The following KDM5A variants were observed in gnomAD, a reference collection of about 807,000 sequenced individuals.
KDM5A encodes the protein lysine-specific demethylase 5A.
A neutral mutation model predicts 193.5 loss-of-function variants in KDM5A; 42 were observed. That is an observed-to-expected ratio of 0.22 (90% CI 0.17 to 0.28). KDM5A has a LOEUF of 0.28. KDM5A is among the 10% of genes least tolerant of loss of function. KDM5A has a pLI of 1.00. For synonymous variants in KDM5A, 796 were observed against 718.1 expected (o/e 1.11, Z -1.73); for missense variants, 1,692 against 2,055.1 (o/e 0.82, Z 3.42).
intron 8 of KDM5A, among the ~76,000 whole-genome samples, chr12:353,783 G>A (rs771169334): frequency 3.3e-5 from 5 of 152,164 alleles, no homozygotes; most frequent in African/African-American, 4.8e-5. Context: ...TTAGCTGGGC[G>A]TGGTGGCTCG....
rs1313996537 is a variant in KDM5A, at chr12:363,116, G to GA, written c.538-20dup. On this transcript the variant is annotated intron_variant, in intron 4 of 27. Coordinates refer to ENST00000399788, the MANE Select transcript of KDM5A (RefSeq NM_001042603.3). ...GCACACCCTAAAAGATCAGAGCACA[G>GA]AAAGAGAGCAGGTTCACTGATAAGA... The GA allele has an allele frequency of 1.2e-6, 2 of 1,613,734 alleles. No individual in the cohort carries two copies. Among genetic ancestry groups the GA allele is most frequent in the Admixed American group, 1.7e-5 (1 of 59,994 alleles).
Position 285,275 on chromosome 12 carries a change from G to A in KDM5A, c.*181C>T. On this transcript the variant is annotated 3_prime_UTR_variant, in exon 28 of 28. Coordinates refer to ENST00000399788, the MANE Select transcript of KDM5A (RefSeq NM_001042603.3). ...AAGAAGACACCCTCTGCATAGATAT[G>A]TTGATAGAGAATGTAACCCACAGAG... 1 of 619,794 alleles carries A rather than the reference G, an allele frequency of 1.6e-6. No individual in the cohort carries two copies. The highest frequency in any genetic ancestry group is 2.9e-6 in the Non-Finnish European group (1 of 346,770). 38.4% of individuals were successfully genotyped at this position (619,794 alleles called of 1,614,324 possible).
At position 354,224 on chromosome 12, in the gene KDM5A, T is replaced by A. The variant is rs774502944; in HGVS notation, c.881A>T (p.Tyr294Phe). 1 of 1,606,944 alleles carries A rather than the reference T, an allele frequency of 6.2e-7. No homozygotes were observed. Among genetic ancestry groups the A allele is most frequent in the South Asian group, 1.1e-5 (1 of 90,768 alleles). ...TCCCCGACCACAAAACATACAAACA[T>A]AGAGATCAACCTGTTAAAAAAAAAA... ...GTLSVNFVDL[Y>F]VCMFCGRGNN... Residue 294 changes from tyrosine to phenylalanine, a missense_variant, in exon 8 of 28, where the codon TAT (tyrosine) becomes TTT (phenylalanine). Physicochemically the swap from Tyr to Phe is conservative, Grantham distance 22. Transcript: ENST00000399788.
At chr12:295,147 G>A (rs928272331) in intron 26 of KDM5A, among the ~76,000 whole-genome samples, 1 of 151,322 alleles carries the variant, frequency 6.6e-6, no homozygotes, top group Non-Finnish European at 1.5e-5. Context: ...CTTCTTTTTA[G>A]CAGAAATGGC....
rs1943360006 is a variant in KDM5A, at chr12:295,594, G to T, written c.4434C>A (p.Asp1478Glu). ...ACACCTCCATGATATGCAAGAATCT[G>T]TCTTCAGAGGGTGGGTGTGTGGCCT... is the stretch of plus-strand genomic sequence containing the variant. ...ILQATHPPSE[D>E]RFLHIMEDDS... Residue 1478 changes from aspartate to glutamate, a missense_variant, in exon 26 of 28, where the codon GAC becomes GAA. Around this residue, in one of 11 missense-constraint regions of KDM5A, gnomAD observed 965 missense variants for 1,061.0 expected, o/e 0.91. Transcript: ENST00000399788. 1 of 1,613,920 alleles carries T rather than the reference G, an allele frequency of 6.2e-7. No individual in the cohort carries two copies. The highest frequency in any genetic ancestry group is 8.5e-7 in the Non-Finnish European group (1 of 1,179,902).
intron 10 of KDM5A, among the ~76,000 whole-genome samples, chr12:341,566 AG>A (rs1376929195): frequency 3.3e-5 from 5 of 152,156 alleles, no homozygotes; most frequent in Non-Finnish European, 5.9e-5. Context: ...CAGAATAATT[AG>A]ATTGTTATAA....
intron 10 of KDM5A, among the ~76,000 whole-genome samples, chr12:346,872 C>T (rs905161762): frequency 4.6e-5 from 7 of 152,176 alleles, no homozygotes; most frequent in African/African-American, 1.7e-4. Context: ...AGGATGTCTT[C>T]TCTCACCACT....
At chr12:306,256 T>C (rs746475076) in intron 24 of KDM5A, among the ~76,000 whole-genome samples, 1 of 152,046 alleles carries the variant, frequency 6.6e-6, no homozygotes, top group Non-Finnish European at 1.5e-5. Flanking sequence ...TTTACAGGCA[T>C]GAGCCACCAC....
In KDM5A at chr12:364,336, G is replaced by A. The variant is rs1437938063; in HGVS notation, c.538-1239C>T. 2.0e-5 allele frequency among the ~76,000 whole-genome samples: 3 copies of A among 152,090 alleles called. No homozygotes were observed. The East Asian group carries it at 5.8e-4, about 29-fold the overall frequency. ...AAAATACAAAAATTAGCTGGGGGTG[G>A]TGGCATGCACCTGTAGTCTCAACTA... On this transcript the variant is annotated intron_variant, in intron 4 of 27. Transcript: ENST00000399788.
chr12:293,979 G>A (rs1943337530), intron 26 of KDM5A, among the ~76,000 whole-genome samples: 1 of 151,552 alleles, frequency 6.6e-6, no homozygotes, highest in South Asian at 2.1e-4. Flanking sequence ...TTAACAGTCT[G>A]TAGCATCTCT....
At chr12:319,520 G>A (rs749045375) in intron 18 of KDM5A, among the ~76,000 whole-genome samples, 13 of 152,204 alleles carry the variant, frequency 8.5e-5, no homozygotes, top group Non-Finnish European at 1.6e-4. Context: ...GGAGGCCAAA[G>A]CAAGTGGATC....
chr12:384,646 A>G (rs1225104974), intron 2 of KDM5A, among the ~76,000 whole-genome samples: 1 of 152,218 alleles, frequency 6.6e-6, no homozygotes, highest in Non-Finnish European at 1.5e-5. Context: ...CTAATAAACT[A>G]TATTTATTCA....
At position 280,795 on chromosome 12, in the gene KDM5A, A is replaced by C. The variant is rs1943147220; in HGVS notation, c.*4661T>G. ...TGGTCATCACTGGATTCTTGCTGGA[A>C]ACAGAAGGCAGGTGAAATCTTCAGG... On this transcript the variant is annotated 3_prime_UTR_variant, in exon 28 of 28. Coordinates refer to ENST00000399788, the MANE Select transcript of KDM5A (RefSeq NM_001042603.3). The C allele has an allele frequency of 4.3e-6, 1 of 232,894 alleles. No individual in the cohort carries two copies. The highest frequency in any genetic ancestry group is 5.6e-5 in the Admixed American group (1 of 17,782). The allele number at this position is 232,894 out of a possible 1,614,324, so 14.4% of individuals were successfully genotyped here. A position where few individuals can be genotyped will look rare whatever the true frequency, so the allele number is the denominator to read the frequency against.
chr12:375,965 C>T (rs1398635636), intron 3 of KDM5A, among the ~76,000 whole-genome samples: 2 of 152,336 alleles, frequency 1.3e-5, no homozygotes, highest in East Asian at 3.9e-4. Context: ...GGATACCCGG[C>T]CATGTGGGTG....
At chr12:365,445 A>G (rs1294263383) in intron 4 of KDM5A, among the ~76,000 whole-genome samples, 1 of 152,238 alleles carries the variant, frequency 6.6e-6, no homozygotes, top group Non-Finnish European at 1.5e-5. Flanking sequence ...AAGTTCTAGA[A>G]AAGACAAACT....
chr12:382,730 G>A (rs904523683), intron 3 of KDM5A, among the ~76,000 whole-genome samples: 3 of 152,158 alleles, frequency 2.0e-5, no homozygotes, highest in African/African-American at 7.2e-5. Flanking sequence ...TCAGAAGTTC[G>A]AGACCAGCCT....
intron 10 of KDM5A, among the ~76,000 whole-genome samples, chr12:336,608 A>C (rs1446275262): frequency 1.5e-4 from 23 of 152,142 alleles, no homozygotes; most frequent in Admixed American, 1.4e-3. Context: ...TGGGAGGCCG[A>C]AGCTGGTGGA....
intron 4 of KDM5A, among the ~76,000 whole-genome samples, chr12:365,575 T>C (rs1944347687): frequency 6.6e-6 from 1 of 152,204 alleles, no homozygotes; most frequent in Admixed American, 6.5e-5. Flanking sequence ...ATCACAGTGA[T>C]CGCTGCATAA....
intron 22 of KDM5A, 81 bp from the exon 23 acceptor site, chr12:308,086 T>C: frequency 6.9e-7 from 1 of 1,458,142 alleles, no homozygotes; most frequent in Non-Finnish European, 9.5e-7. Context: ...CTGTGGGATC[T>C]TTCTCCCAAG....
Sources: gnomAD v4.1 joint callset for allele counts (sites outside exome capture counted in the v4.1 genomes callset) on GRCh38, gnomAD v4.1.1 for gene constraint, gnomAD v4.1.1 regional missense constraint, MANE v1.5 for transcripts, NCBI Gene and HGNC (gene_info 2026-07-23, HGNC 2026-07-21) for gene names.